Variants in CPZ observed in about 807,000 individuals in gnomAD.
The protein encoded by CPZ is carboxypeptidase Z, also known as VEZT/CPZ fusion.
CPZ carries 103 observed loss-of-function variants against 61.8 expected under a neutral mutation model. That is an observed-to-expected ratio of 1.67 (90% CI 1.42 to 1.96). CPZ has a LOEUF of 1.96. Among genes scored for constraint, CPZ ranks in the 30% most tolerant of loss-of-function variants. CPZ has a pLI of 0.00. For synonymous variants in CPZ, 551 were observed against 373.7 expected, an observed-to-expected ratio of 1.47 and a Z score of -5.47; for missense variants, 1,461 against 914.9, an observed-to-expected ratio of 1.60 and a Z score of -7.70.
Position 8,619,746 on chromosome 4 carries a change from C to A in CPZ, c.*129C>A. On this transcript the variant is annotated 3_prime_UTR_variant, in exon 11 of 11. Transcript: ENST00000360986. ...TGCCATTTTATTAAAGTGTTTTGAT[C>A]CACTTTGCACTGGAATGAGAGGATC... 1 of 735,694 alleles carries A rather than the reference C, an allele frequency of 1.4e-6. No individual in the cohort carries two copies. Among genetic ancestry groups the A allele is most frequent in the Non-Finnish European group, 2.1e-6 (1 of 483,776 alleles). 45.6% of individuals were successfully genotyped at this position (735,694 alleles called of 1,614,324 possible). A position where few individuals can be genotyped will look rare whatever the true frequency, so the allele number is the denominator to read the frequency against.
chr4:8,611,184 A>C (rs41266535), intron 7 of CPZ: 6,186 of 453,946 alleles, frequency 0.014, 71 homozygotes, highest in Non-Finnish European at 0.022. Context: ...TCCTCAGCAC[A>C]GACCTGTCCT....
At chr4:8,610,385 C>T (rs1715552042) in intron 7 of CPZ, among the ~76,000 whole-genome samples, 1 of 152,200 alleles carries the variant, frequency 6.6e-6, no homozygotes, top group African/African-American at 2.4e-5. Flanking sequence ...ACCTTCCATG[C>T]CTTAGCCCTA....
chr4:8,605,474 GCAT>G (rs1714888844), intron 4 of CPZ, among the ~76,000 whole-genome samples: 1 of 151,704 alleles, frequency 6.6e-6, no homozygotes, highest in Non-Finnish European at 1.5e-5. Flanking sequence ...ATCCATTCAT[GCAT>G]CAATTTATCC....
chr4:8,609,884 G>T (rs1028393887), intron 7 of CPZ, among the ~76,000 whole-genome samples: 1 of 152,212 alleles, frequency 6.6e-6, no homozygotes, highest in African/African-American at 2.4e-5. Context: ...CATGAGAGGG[G>T]CTGGCTGGGG....
chr4:8,600,441 G>A (rs543971160), intron 2 of CPZ, among the ~76,000 whole-genome samples: 1 of 152,270 alleles, frequency 6.6e-6, no homozygotes, highest in Admixed American at 6.5e-5. Flanking sequence ...CGAGTGTGGA[G>A]CCAGCGGCTG....
chr4:8,593,178 C>T (rs960251154), intron 1 of CPZ, among the ~76,000 whole-genome samples: 3 of 152,306 alleles, frequency 2.0e-5, no homozygotes, highest in Admixed American at 2.0e-4. Context: ...CACGCCTGGG[C>T]CGGGGGGTGA....
At chr4:8,599,235 G>A (rs1714395109) in intron 1 of CPZ, among the ~76,000 whole-genome samples, 1 of 152,224 alleles carries the variant, frequency 6.6e-6, no homozygotes, top group East Asian at 1.9e-4. Context: ...CTGTCCTTAG[G>A]CAGGTCATGT....
At chr4:8,606,530 C>T (rs763822965) in intron 5 of CPZ, among the ~76,000 whole-genome samples, 7 of 152,098 alleles carry the variant, frequency 4.6e-5, no homozygotes, top group Non-Finnish European at 8.8e-5. Context: ...GGGGAGCAGC[C>T]AGGGAAGGCC....
chr4:8,596,825 G>C (rs1714216558), intron 1 of CPZ, among the ~76,000 whole-genome samples: 2 of 152,210 alleles, frequency 1.3e-5, no homozygotes, highest in African/African-American at 4.8e-5. Flanking sequence ...GGCGCTTGGT[G>C]GCTTTGGAGG....
chr4:8,606,123 A>G lies in CPZ; in HGVS notation c.844A>G (p.Thr282Ala), dbSNP rs1459898578. ...CCCCCGCATCCAGCGCCTGCTCAACACCACCCGCATCCACCTGCTGCCCTC... is the reference window on the plus strand; with the variant it reads ...CCCCCGCATCCAGCGCCTGCTCAACGCCACCCGCATCCACCTGCTGCCCTC... The part of the protein sequence containing the change: ...GNPRIQRLLN[T>A]TRIHLLPSMN... Residue 282 changes from threonine (T) to alanine (A), a missense_variant, in exon 5 of 11, where the codon ACC becomes GCC. Physicochemically the swap from Thr to Ala is moderately conservative, Grantham distance 58. Coordinates refer to ENST00000360986, the MANE Select transcript of CPZ (RefSeq NM_001014447.3). The G allele has an allele frequency of 6.2e-7, 1 of 1,614,100 alleles. No individual in the cohort carries two copies. Among genetic ancestry groups the G allele is most frequent in the East Asian group, 2.2e-5 (1 of 44,878 alleles).
At chr4:8,618,812 G>C (rs77931481) in intron 10 of CPZ, among the ~76,000 whole-genome samples, 7 of 152,218 alleles carry the variant, frequency 4.6e-5, no homozygotes, top group Non-Finnish European at 8.8e-5. Context: ...TTGCCGGGGA[G>C]AGCCACCTCC....
chr4:8,617,167 C>T (rs1256681018), intron 9 of CPZ, among the ~76,000 whole-genome samples: 1 of 152,222 alleles, frequency 6.6e-6, no homozygotes, highest in African/African-American at 2.4e-5. Context: ...CTGCATCGGT[C>T]ACGGCGGGGG....
chr4:8,604,986 C>G (rs1036978045), intron 4 of CPZ, among the ~76,000 whole-genome samples: 10 of 152,246 alleles, frequency 6.6e-5, no homozygotes, highest in African/African-American at 2.2e-4. Context: ...ACTATGTTCC[C>G]TCTCCAACTG....
At chr4:8,594,963 A>G (rs531756415) in intron 1 of CPZ, among the ~76,000 whole-genome samples, 3 of 152,114 alleles carry the variant, frequency 2.0e-5, no homozygotes, top group East Asian at 1.9e-4. Flanking sequence ...TAGTAGAGAC[A>G]GGGTTTCACC....
In CPZ at chr4:8,606,009, A is replaced by T. The variant is rs994823305; in HGVS notation, c.730A>T (p.Ile244Phe). Residue 244 changes from isoleucine to phenylalanine, a missense_variant, in exon 5 of 11, where the codon ATC (isoleucine) becomes TTC (phenylalanine). Transcript: ENST00000360986. ...CCCAGTGGAGCCCGAGGTGAAGCTC[A>T]TCGGCAACATTCATGGCAACGAGGT... ...HELMEPEVKL[I>F]GNIHGNEVAG... 2.5e-6 allele frequency: 4 copies of T among 1,613,822 alleles called. No homozygotes were observed. Among genetic ancestry groups the T allele is most frequent in the Admixed American group, 1.7e-5 (1 of 60,018 alleles).
chr4:8,616,320 A>C (rs779050606), intron 9 of CPZ, among the ~76,000 whole-genome samples: 1 of 152,126 alleles, frequency 6.6e-6, no homozygotes, highest in East Asian at 1.9e-4. Flanking sequence ...TCCCCACCAG[A>C]GAACCGCATG....
intron 1 of CPZ, among the ~76,000 whole-genome samples, chr4:8,593,899 A>T (rs1713981404): frequency 6.6e-6 from 1 of 152,052 alleles, no homozygotes; most frequent in Non-Finnish European, 1.5e-5. Context: ...GTGCTCATGC[A>T]GGTGTGCAGG....
intron 7 of CPZ, among the ~76,000 whole-genome samples, chr4:8,611,781 CCA>C (rs981495918): frequency 7.2e-5 from 11 of 151,842 alleles, no homozygotes; most frequent in African/African-American, 1.5e-4. Context: ...GGTGATTACC[CCA>C]GTTACCCATG....
intron 9 of CPZ, among the ~76,000 whole-genome samples, chr4:8,617,399 T>A (rs1442563318): frequency 6.6e-6 from 1 of 152,204 alleles, no homozygotes; most frequent in African/African-American, 2.4e-5. Flanking sequence ...GGAAGGAGGA[T>A]GCTCCTGTTG....
Sources: allele counts gnomAD v4.1 joint callset (sites outside exome capture counted in the v4.1 genomes callset), GRCh38; gene constraint gnomAD v4.1.1; transcripts MANE v1.5; gene names NCBI Gene and HGNC (gene_info 2026-07-23, HGNC 2026-07-21).